Variants in UVRAG observed in about 807,000 individuals in gnomAD.
The protein encoded by UVRAG is UV radiation resistance-associated gene protein.
A neutral mutation model predicts 78.0 loss-of-function variants in UVRAG; 19 were observed. The observed-to-expected ratio is 0.24, with a 90% CI of 0.17 to 0.36. The LOEUF is 0.36. Among genes scored for constraint, UVRAG ranks in the 10% least tolerant of loss-of-function variants. The pLI is 1.00. For synonymous variants in UVRAG, 323 were observed against 324.6 expected, an observed-to-expected ratio of 1.00 and a Z score of 0.05; for missense variants, 740 against 853.8, an observed-to-expected ratio of 0.87 and a Z score of 1.66.
intron 1 of UVRAG, among the ~76,000 whole-genome samples, chr11:75,836,269 A>G (rs1386119303): frequency 2.6e-5 from 4 of 152,220 alleles, no homozygotes; most frequent in African/African-American, 9.6e-5. Flanking sequence ...TACTTCAACA[A>G]GATTCCCTAG....
intron 13 of UVRAG, among the ~76,000 whole-genome samples, chr11:76,074,332 T>G (rs1211355837): frequency 6.6e-6 from 1 of 152,200 alleles, no homozygotes; most frequent in Non-Finnish European, 1.5e-5. Context: ...TCCCCAAATG[T>G]GGAAACATAA....
chr11:75,918,276 G>A (rs549935144), intron 6 of UVRAG, among the ~76,000 whole-genome samples: 3 of 151,676 alleles, frequency 2.0e-5, no homozygotes, highest in South Asian at 4.2e-4. Flanking sequence ...CTACTCCAGA[G>A]GCTAAGGCAG....
At chr11:75,860,712 T>G (rs1426294751) in intron 2 of UVRAG, among the ~76,000 whole-genome samples, 1 of 152,198 alleles carries the variant, frequency 6.6e-6, no homozygotes, top group East Asian at 1.9e-4. Context: ...TAAATTAGTA[T>G]AATATTTGTA....
intron 12 of UVRAG, among the ~76,000 whole-genome samples, chr11:76,046,806 A>AG (rs1411067784): frequency 6.6e-6 from 1 of 152,160 alleles, no homozygotes; most frequent in Admixed American, 6.5e-5. Flanking sequence ...GGAAAATACC[A>AG]GGGGGAAAAA....
intron 6 of UVRAG, among the ~76,000 whole-genome samples, chr11:75,939,967 C>T (rs1331493271): frequency 6.6e-6 from 1 of 152,168 alleles, no homozygotes; most frequent in African/African-American, 2.4e-5. Flanking sequence ...AATCCTGAAA[C>T]ACTATACCAA....
At chr11:76,036,432 G>A (rs1461379707) in intron 12 of UVRAG, among the ~76,000 whole-genome samples, 1 of 152,120 alleles carries the variant, frequency 6.6e-6, no homozygotes, top group Non-Finnish European at 1.5e-5. Flanking sequence ...CAGCTACTGA[G>A]GAGGCTGAAG....
In UVRAG at chr11:75,994,154, T is replaced by G. The variant is rs372607612; in HGVS notation, c.827-9851T>G. On this transcript the variant is annotated intron_variant, in intron 8 of 14. Transcript: ENST00000356136. ...AATGTTGATAAAAACCCAAGAATAC[T>G]TCAGTGGTGCCTGGGAAGTGGTATT... Among the ~76,000 whole-genome samples the G allele has an allele frequency of 1.1e-4, 16 of 152,262 alleles. No homozygotes were observed. In the South Asian group the frequency reaches 3.3e-3, roughly 32 times the overall value.
chr11:76,054,259 T>A (rs1271637371), intron 12 of UVRAG, among the ~76,000 whole-genome samples: 3 of 152,190 alleles, frequency 2.0e-5, no homozygotes, highest in Non-Finnish European at 4.4e-5. Context: ...AGAAGATCTG[T>A]CACCAGATCA....
At chr11:76,078,558 A>T (rs946862560) in intron 13 of UVRAG, among the ~76,000 whole-genome samples, 1 of 151,848 alleles carries the variant, frequency 6.6e-6, no homozygotes, top group African/African-American at 2.4e-5. Flanking sequence ...ACAGATTTCA[A>T]AAAGGTGGAT....
intron 8 of UVRAG, among the ~76,000 whole-genome samples, chr11:75,991,354 A>G (rs1392829694): frequency 6.6e-6 from 1 of 152,198 alleles, no homozygotes; most frequent in African/African-American, 2.4e-5. Context: ...TTTTAAGATC[A>G]TTAACTTTCA....
intron 3 of UVRAG, among the ~76,000 whole-genome samples, chr11:75,868,431 G>A (rs1946580510): frequency 6.6e-6 from 1 of 152,190 alleles, no homozygotes; most frequent in East Asian, 1.9e-4. Flanking sequence ...TGGAGCAATA[G>A]GAGATGATGG....
chr11:75,877,253 C>T, intron 3 of UVRAG, among the ~76,000 whole-genome samples: 1 of 152,202 alleles, frequency 6.6e-6, no homozygotes. Context: ...CTACTTCTTT[C>T]CACACAGACA....
intron 3 of UVRAG, among the ~76,000 whole-genome samples, chr11:75,871,663 A>G (rs1054425957): frequency 6.6e-6 from 1 of 152,236 alleles, no homozygotes; most frequent in African/African-American, 2.4e-5. Context: ...TCTAATGAAC[A>G]TATCCTTTGC....
chr11:75,949,710 T>TAC (rs1453750909), intron 6 of UVRAG, among the ~76,000 whole-genome samples: 18 of 143,002 alleles, frequency 1.3e-4, no homozygotes, highest in African/African-American at 4.8e-4. Context: ...TATATATATA[T>TAC]ATATACACAC....
chr11:75,909,877 T>C (rs1193266507), intron 5 of UVRAG, among the ~76,000 whole-genome samples: 1 of 152,246 alleles, frequency 6.6e-6, no homozygotes, highest in Non-Finnish European at 1.5e-5. Flanking sequence ...GTGTGTTGTC[T>C]CTGTCTAGTT....
At chr11:75,955,197 A>G (rs1948770789) in intron 6 of UVRAG, among the ~76,000 whole-genome samples, 5 of 152,166 alleles carry the variant, frequency 3.3e-5, no homozygotes, top group Admixed American at 3.3e-4. Context: ...TGTAGATTAA[A>G]CACACAAACA....
At chr11:75,970,983 G>T (rs931429570) in intron 7 of UVRAG, among the ~76,000 whole-genome samples, 1 of 152,138 alleles carries the variant, frequency 6.6e-6, no homozygotes, top group Non-Finnish European at 1.5e-5. Flanking sequence ...CAGAATAGTT[G>T]CATTGCCCTA....
rs528561227 is a variant in UVRAG, at chr11:75,877,612, A to AC, written c.271-2260dup. 6.7e-3 allele frequency among the ~76,000 whole-genome samples: 750 copies of AC among 112,106 alleles called. 15 individuals are homozygous for AC. Among genetic ancestry groups the AC allele is most frequent in the African/African-American group, 0.024 (685 of 28,434 alleles). 73.5% of individuals were successfully genotyped at this position (112,106 alleles called of 152,430 possible). ...GGTCGGCTGGCCGGGCGGGGGGCTG[A>AC]CCCCCCCACCTCCCTCCCGGACGGA... On this transcript the variant is annotated intron_variant, in intron 3 of 14. Coordinates refer to ENST00000356136, the MANE Select transcript of UVRAG (RefSeq NM_003369.4).
intron 6 of UVRAG, among the ~76,000 whole-genome samples, chr11:75,945,319 C>T (rs779732908): frequency 9.2e-5 from 14 of 151,920 alleles, no homozygotes; most frequent in African/African-American, 1.7e-4. Flanking sequence ...CAAAGTACTA[C>T]GGGGAAGCTC....
Sources: allele counts gnomAD v4.1 joint callset (sites outside exome capture counted in the v4.1 genomes callset), GRCh38; gene constraint gnomAD v4.1.1; transcripts MANE v1.5; gene names NCBI Gene and HGNC (gene_info 2026-07-23, HGNC 2026-07-21).